Variants in GRB10 observed in about 807,000 individuals in gnomAD.
GRB10 encodes the protein growth factor receptor bound protein 10.
A neutral mutation model predicts 80.9 loss-of-function variants in GRB10; 20 were observed. That is an observed-to-expected ratio of 0.25 (90% CI 0.17 to 0.36). The LOEUF is 0.36. Among genes scored for constraint, GRB10 ranks in the 10% least tolerant of loss-of-function variants. The pLI, the probability that GRB10 is intolerant of heterozygous loss-of-function variation, is 1.00. For missense variants in GRB10, 548 were observed against 747.7 expected (o/e 0.73, Z 3.12); for synonymous variants, 291 against 291.5 (o/e 1.00, Z 0.02).
upstream of GRB10, among the ~76,000 whole-genome samples, chr7:50,786,022 T>C (rs899243684): frequency 1.3e-5 from 2 of 152,142 alleles, no homozygotes; most frequent in Non-Finnish European, 2.9e-5. Context: ...ATGTAGGAAA[T>C]CTCTGGACCT....
intron 7 of GRB10, among the ~76,000 whole-genome samples, chr7:50,631,203 G>A (rs2053934458): frequency 1.3e-5 from 2 of 152,316 alleles, no homozygotes; most frequent in African/African-American, 4.8e-5. Context: ...GGAATCTCAT[G>A]ACTGCATCCA....
chr7:50,637,569 C>G (rs1302515447), intron 7 of GRB10, among the ~76,000 whole-genome samples: 3 of 152,158 alleles, frequency 2.0e-5, no homozygotes, highest in African/African-American at 7.2e-5. Context: ...AATGGAAACA[C>G]ATCTCATGCT....
At chr7:50,610,594 G>A (rs372144920) in intron 13 of GRB10, among the ~76,000 whole-genome samples, 5 of 152,206 alleles carry the variant, frequency 3.3e-5, no homozygotes, top group African/African-American at 1.2e-4. Flanking sequence ...GGGTTCTGGG[G>A]CCAGAATGTC....
chr7:50,606,314 C>T (rs2048517339), intron 14 of GRB10, 23 bp downstream of exon 14: 2 of 1,598,728 alleles, frequency 1.3e-6, no homozygotes, highest in African/African-American at 2.7e-5. Flanking sequence ...CACTAGACTT[C>T]TGAAGCTCCT....
chr7:50,590,555 T>C lies in GRB10; in HGVS notation c.*2397A>G, dbSNP rs1381167187. 2 of 152,644 alleles carry C rather than the reference T, an allele frequency of 1.3e-5. No individual in the cohort carries two copies. Among genetic ancestry groups the C allele is most frequent in the Non-Finnish European group, 2.9e-5 (2 of 68,042 alleles). 9.5% of individuals were successfully genotyped at this position (152,644 alleles called of 1,614,324 possible). The stretch of plus-strand genomic sequence containing the variant: ...GTCCTGGTTGCTACATGGAGTTTCA[T>C]TTAGAAAAGAAAATCACAGGCAGAG... On this transcript the variant is annotated 3_prime_UTR_variant, in exon 19 of 19. Coordinates refer to ENST00000401949, the MANE Select transcript of GRB10 (RefSeq NM_001350814.2).
At chr7:50,613,225 G>A (rs578083990) in intron 12 of GRB10, among the ~76,000 whole-genome samples, 3 of 152,286 alleles carry the variant, frequency 2.0e-5, no homozygotes, top group Admixed American at 6.5e-5. Flanking sequence ...CCTGCCTTCT[G>A]ACTTACAGGA....
At chr7:50,698,624 T>A (rs992325963) in intron 5 of GRB10, among the ~76,000 whole-genome samples, 1 of 152,200 alleles carries the variant, frequency 6.6e-6, no homozygotes, top group Admixed American at 6.5e-5. Context: ...GGTCTCCTTA[T>A]GGGATATCTA....
At chr7:50,705,739 A>G (rs1408987423) in intron 4 of GRB10, among the ~76,000 whole-genome samples, 1 of 152,244 alleles carries the variant, frequency 6.6e-6, no homozygotes, top group Non-Finnish European at 1.5e-5. Context: ...CCCACCAAGT[A>G]GAAGTGTAGT....
intron 3 of GRB10, among the ~76,000 whole-genome samples, chr7:50,754,098 A>C (rs1378691018): frequency 6.6e-6 from 1 of 152,236 alleles, no homozygotes; most frequent in Admixed American, 6.5e-5. Context: ...GCCCGTGAGC[A>C]CGGCACTCCC....
intron 4 of GRB10, chr7:50,705,381 C>T: frequency 2.7e-6 from 2 of 731,318 alleles, no homozygotes; most frequent in Non-Finnish European, 3.3e-6. Flanking sequence ...TTTTCACCAG[C>T]TTCTCTCTTT....
intron 2 of GRB10, among the ~76,000 whole-genome samples, chr7:50,762,299 A>G (rs867053223): frequency 4.0e-5 from 6 of 150,640 alleles, no homozygotes; most frequent in Middle Eastern, 3.4e-3. Context: ...AAAACAACAC[A>G]CTTAAGAATA....
At position 50,649,223 on chromosome 7, in the gene GRB10, A is replaced by C. The variant is rs147196947; in HGVS notation, c.504+20499T>G. Among the ~76,000 whole-genome samples, 1,251 of 152,208 alleles carry C rather than the reference A, an allele frequency of 8.2e-3. 5 individuals are homozygous for C. The highest frequency in any genetic ancestry group is 0.013 in the Non-Finnish European group (874 of 67,988). The stretch of plus-strand genomic sequence containing the variant: ...TAGTGGTAAAACAGAGAACAAACAA[A>C]ATAATCTCAGGAGACAGTGAACAAC... On this transcript the variant is annotated intron_variant, in intron 7 of 18. Transcript: ENST00000401949.
At chr7:50,732,724 G>A (rs1033974836) in intron 3 of GRB10, among the ~76,000 whole-genome samples, 2 of 152,124 alleles carry the variant, frequency 1.3e-5, no homozygotes, top group African/African-American at 4.8e-5. Flanking sequence ...ACTTCATCAA[G>A]CTTTCGCAAA....
intron 8 of GRB10, 140 bp from the exon 9 acceptor site, chr7:50,619,425 T>A: frequency 1.4e-6 from 1 of 693,922 alleles, no homozygotes; most frequent in Non-Finnish European, 2.6e-6. Context: ...GGAAACTAAA[T>A]TTAAATCTCT....
chr7:50,600,885 C>A (rs1287020719), intron 17 of GRB10, among the ~76,000 whole-genome samples: 1 of 152,218 alleles, frequency 6.6e-6, no homozygotes, highest in Non-Finnish European at 1.5e-5. Context: ...CCTTCCACCC[C>A]ACAGCCCCAC....
At chr7:50,645,617 C>T (rs922591544) in intron 7 of GRB10, 26 of 985,268 alleles carry the variant, frequency 2.6e-5, no homozygotes, top group Middle Eastern at 5.2e-4. Context: ...TCCAATCGCC[C>T]GGAGTTCTCA....
intron 7 of GRB10, among the ~76,000 whole-genome samples, chr7:50,633,709 A>AAAC (rs55948218): frequency 0.049 from 7,430 of 151,556 alleles, 610 homozygotes; most frequent in African/African-American, 0.17. Context: ...AAAACAAACA[A>AAAC]AACAACAACA....
At chr7:50,733,169 A>G (rs2070181583) in intron 3 of GRB10, among the ~76,000 whole-genome samples, 1 of 152,156 alleles carries the variant, frequency 6.6e-6, no homozygotes, top group South Asian at 2.1e-4. Flanking sequence ...GAATATTAGA[A>G]CACAGACTTG....
At chr7:50,645,558 C>CA in intron 7 of GRB10, 1 of 975,308 alleles carries the variant, frequency 1.0e-6, no homozygotes, top group Non-Finnish European at 1.2e-6. Context: ...GGTCTAACAC[C>CA]AAGAAGAATA....
Sources: allele counts gnomAD v4.1 joint callset (sites outside exome capture counted in the v4.1 genomes callset), GRCh38; gene constraint gnomAD v4.1.1; transcripts MANE v1.5; gene names NCBI Gene and HGNC (gene_info 2026-07-23, HGNC 2026-07-21).